Variants in ANO10 observed in about 807,000 individuals in gnomAD.
ANO10 encodes anoctamin 10.
In ANO10, 77 loss-of-function variants were observed where a neutral mutation model predicts 74.7. The observed-to-expected ratio is 1.03, with a 90% CI of 0.86 to 1.25. The LOEUF is 1.25. Among genes scored for constraint, ANO10 ranks in the 50% most tolerant of loss-of-function variants. ANO10 has a pLI of 0.00. For missense variants in ANO10, 721 were observed against 778.1 expected, an observed-to-expected ratio of 0.93 and a Z score of 0.87; for synonymous variants, 279 against 284.9, an observed-to-expected ratio of 0.98 and a Z score of 0.21.
chr3:43,432,944 CT>C (rs5848663), intron 11 of ANO10, among the ~76,000 whole-genome samples: 217 of 55,252 alleles, frequency 3.9e-3, no homozygotes, highest in Non-Finnish European at 4.2e-3. Flanking sequence ...TTGCTTAATT[CT>C]TTTTTTTTTT....
At chr3:43,434,819 A>G (rs1575790301) in intron 11 of ANO10, among the ~76,000 whole-genome samples, 1 of 152,238 alleles carries the variant, frequency 6.6e-6, no homozygotes, top group Non-Finnish European at 1.5e-5. Flanking sequence ...AACTGTTCAC[A>G]AAATTCTCAT....
chr3:43,688,123 A>C (rs762735717), intron 1 of ANO10, among the ~76,000 whole-genome samples: 7 of 151,492 alleles, frequency 4.6e-5, no homozygotes, highest in African/African-American at 7.3e-5. Flanking sequence ...TTCTGCATAA[A>C]CTCTAGTATT....
At chr3:43,623,919 C>A (rs983327915), upstream of ANO10, among the ~76,000 whole-genome samples, 1 of 152,140 alleles carries the variant, frequency 6.6e-6, no homozygotes, top group African/African-American at 2.4e-5. Flanking sequence ...ACTCCTTAGA[C>A]TTTTGTTTTT....
At chr3:43,429,358 T>TA (rs2092947313) in intron 12 of ANO10, among the ~76,000 whole-genome samples, 1 of 152,142 alleles carries the variant, frequency 6.6e-6, no homozygotes, top group Non-Finnish European at 1.5e-5. Flanking sequence ...ATATCTTTTT[T>TA]AAAAAAGCAA....
intron 12 of ANO10, among the ~76,000 whole-genome samples, chr3:43,426,673 C>A (rs2092904857): frequency 6.6e-6 from 1 of 152,258 alleles, no homozygotes; most frequent in Admixed American, 6.5e-5. Context: ...AGAATCCTTT[C>A]TATTTTTAAT....
intron 11 of ANO10, among the ~76,000 whole-genome samples, chr3:43,453,553 G>T (rs2074981377): frequency 6.6e-6 from 1 of 152,128 alleles, no homozygotes; most frequent in Non-Finnish European, 1.5e-5. Flanking sequence ...AAATCACAAA[G>T]ATTTACATCC....
intron 12 of ANO10, among the ~76,000 whole-genome samples, chr3:43,412,016 A>G (rs954320950): frequency 1.4e-5 from 2 of 147,998 alleles, no homozygotes; most frequent in Admixed American, 6.8e-5. Flanking sequence ...TATATATATA[A>G]TATATATTTA....
chr3:43,629,428 T>A (rs2083524897), intron 1 of ANO10, among the ~76,000 whole-genome samples: 1 of 152,226 alleles, frequency 6.6e-6, no homozygotes, highest in African/African-American at 2.4e-5. Flanking sequence ...TAGGTTTCCT[T>A]ATTTAGCCTT....
chr3:43,380,725 C>T (rs557139086), intron 12 of ANO10, among the ~76,000 whole-genome samples: 1 of 151,968 alleles, frequency 6.6e-6, no homozygotes, highest in Non-Finnish European at 1.5e-5. Context: ...CAAAATACAC[C>T]AAAATAGAAC....
chr3:43,519,709 A>C (rs747313365), intron 11 of ANO10, among the ~76,000 whole-genome samples: 5 of 152,142 alleles, frequency 3.3e-5, no homozygotes, highest in Non-Finnish European at 5.9e-5. Context: ...CAGACCAGAG[A>C]TCAGGAGAGA....
Position 43,574,865 on chromosome 3 carries a change from CTA to C in ANO10, c.1163-3_1163-2del. 6.2e-7 allele frequency: 1 copy of C among 1,613,632 alleles called. No homozygotes were observed. Among genetic ancestry groups the C allele is most frequent in the Non-Finnish European group, 8.5e-7 (1 of 1,179,614 alleles). The stretch of plus-strand genomic sequence containing the variant: ...TAGGCAGATTCCAATCTGTGATTCT[CTA>C]AAACATTAAAACACACAGGTAACTT... On this transcript the variant is annotated splice_acceptor_variant and splice_polypyrimidine_tract_variant and intron_variant, in intron 6 of 12. Coordinates refer to ENST00000292246, the MANE Select transcript of ANO10 (RefSeq NM_018075.5). LOFTEE classifies it high-confidence loss of function.
At chr3:43,658,573 G>A (rs1455455553) in intron 1 of ANO10, among the ~76,000 whole-genome samples, 50 of 152,104 alleles carry the variant, frequency 3.3e-4, no homozygotes, top group Admixed American at 2.2e-3. Flanking sequence ...GGGTTCAAGC[G>A]ATTCTCCTGC....
intron 11 of ANO10, 137 bp from the exon 12 acceptor site, chr3:43,432,864 A>C: frequency 1.5e-6 from 1 of 677,538 alleles, no homozygotes; most frequent in South Asian, 1.6e-5. Context: ...GAAGTATCAA[A>C]GACCAAGCAG....
chr3:43,467,978 T>C (rs2075697610), intron 11 of ANO10, among the ~76,000 whole-genome samples: 1 of 152,304 alleles, frequency 6.6e-6, no homozygotes, highest in Non-Finnish European at 1.5e-5. Context: ...TTCATCACAG[T>C]GATGGAGTTC....
intron 12 of ANO10, among the ~76,000 whole-genome samples, chr3:43,400,250 C>T (rs963534483): frequency 6.6e-6 from 1 of 151,446 alleles, no homozygotes; most frequent in Non-Finnish European, 1.5e-5. Flanking sequence ...GTTAGGAAGT[C>T]CTACTAGATG....
chr3:43,626,427 T>C (rs1433882890), upstream of ANO10, among the ~76,000 whole-genome samples: 1 of 151,410 alleles, frequency 6.6e-6, no homozygotes, highest in Non-Finnish European at 1.5e-5. Flanking sequence ...GCCTCCCGAG[T>C]AGCTGGGATT....
At chr3:43,490,530 A>AG (rs2076678507) in intron 11 of ANO10, among the ~76,000 whole-genome samples, 1 of 152,238 alleles carries the variant, frequency 6.6e-6, no homozygotes, top group South Asian at 2.1e-4. Flanking sequence ...AATATAGAGC[A>AG]GTAGGCATCA....
intron 8 of ANO10, among the ~76,000 whole-genome samples, chr3:43,563,042 G>A (rs1042434197): frequency 6.6e-6 from 1 of 152,188 alleles, no homozygotes. Context: ...TGTTGAATGG[G>A]AGAAAAGATC....
intron 1 of ANO10, among the ~76,000 whole-genome samples, chr3:43,665,147 T>C (rs2083974300): frequency 6.6e-6 from 1 of 152,216 alleles, no homozygotes; most frequent in South Asian, 2.1e-4. Flanking sequence ...AATGATAGAC[T>C]GGATTAAGAA....
Sources: allele counts gnomAD v4.1 joint callset (sites outside exome capture counted in the v4.1 genomes callset), GRCh38; gene constraint gnomAD v4.1.1; transcripts MANE v1.5; gene names NCBI Gene and HGNC (gene_info 2026-07-23, HGNC 2026-07-21).